CHD3: variants seen among roughly 807,000 people sequenced by gnomAD.
CHD3 encodes ATP-dependent chromatin remodeler CHD3.
Under a neutral mutation model 248.9 loss-of-function variants are expected in CHD3, and 52 were observed. The ratio of observed to expected loss-of-function variants is 0.21; its 90% CI spans 0.17 to 0.26. The LOEUF (loss-of-function observed/expected upper bound fraction) is 0.26. Ranked by LOEUF, CHD3 falls within the 10% of genes least tolerant of loss-of-function variation. CHD3 has a pLI of 1.00. For missense variants in CHD3, 1,482 were observed against 2,605.8 expected (o/e 0.57, Z 9.39); for synonymous variants, 985 against 985.2 (o/e 1.00, Z 0.00).
In CHD3 at chr17:7,904,847, G is replaced by A. The variant is rs1007822684; in HGVS notation, c.4072+228G>A. Among the ~76,000 whole-genome samples, 22 of 152,140 alleles carry A rather than the reference G, an allele frequency of 1.4e-4. No homozygotes were observed. The highest frequency in any genetic ancestry group is 1.5e-5 in the Non-Finnish European group (1 of 68,024). ...GCACAGGCATCCTGTGGACACCCAG[G>A]GCCATTGCTTAGAGTAGGTTTTGCA... On this transcript the variant is annotated intron_variant, in intron 25 of 39. Transcript: ENST00000330494. This position sits in a 1 kb window ranked among gnomAD's most constrained non-coding sequence, Gnocchi z 4.4.
intron 2 of CHD3, 140 bp from the exon 3 acceptor site, chr17:7,890,431 A>G (rs1968668033): frequency 1.2e-5 from 7 of 575,748 alleles, no homozygotes; most frequent in African/African-American, 3.9e-5. Context: ...TCCATCTCCA[A>G]AAAAAAAAAG....
chr17:7,899,674 C>A lies in CHD3; in HGVS notation c.2544+131C>A. ...CTCCACCTGTCCTCCTGTCTCTGCACTACCATCCTAGAGATATGGCAGGTA... is the reference window on the plus strand; with the variant it reads ...CTCCACCTGTCCTCCTGTCTCTGCAATACCATCCTAGAGATATGGCAGGTA... On this transcript the variant is annotated intron_variant, in intron 15 of 39. Transcript: ENST00000330494. This position sits in a 1 kb window ranked among gnomAD's most constrained non-coding sequence, Gnocchi z 6.8. The A allele has an allele frequency of 9.5e-7, 1 of 1,052,158 alleles. No homozygotes were observed. Among genetic ancestry groups the A allele is most frequent in the Non-Finnish European group, 1.4e-6 (1 of 711,962 alleles). The allele number at this position is 1,052,158 out of a possible 1,614,324, so 65.2% of individuals were successfully genotyped here.
chr17:7,905,568 T>G lies in CHD3; in HGVS notation c.4139-53T>G. 3 of 1,373,658 alleles carry G rather than the reference T, an allele frequency of 2.2e-6. No individual in the cohort carries two copies. Among genetic ancestry groups the G allele is most frequent in the Non-Finnish European group, 3.0e-6 (3 of 1,003,908 alleles). 85.1% of individuals were successfully genotyped at this position (1,373,658 alleles called of 1,614,324 possible). ...GTGGGAATGGGGTGCTAAGGAGGAC[T>G]GAGGCTTAGAGGAGGTGGTGGCTCA... On this transcript the variant is annotated intron_variant, in intron 26 of 39. Transcript: ENST00000330494. This position sits in a 1 kb window ranked among gnomAD's most constrained non-coding sequence, Gnocchi z 5.8.
In CHD3 at chr17:7,908,922, T is replaced by A. The variant is rs749619595; in HGVS notation, c.5394+93T>A. On this transcript the variant is annotated intron_variant, in intron 36 of 39. Coordinates refer to ENST00000330494, the MANE Select transcript of CHD3 (RefSeq NM_001005273.3). This position sits in a 1 kb window ranked among gnomAD's most constrained non-coding sequence, Gnocchi z 5.8. ...TGGAACCTAGGGAAGGTTAACACCT[T>A]CAGGGCTGAGGTGATACCTGGGGCC... 3.5e-4 allele frequency: 547 copies of A among 1,552,130 alleles called. 1 individual carries two copies. Among genetic ancestry groups the A allele is most frequent in the Non-Finnish European group, 4.4e-4 (493 of 1,132,510 alleles).
At position 7,907,036 on chromosome 17, in the gene CHD3, T is replaced by A; in HGVS notation, c.4666+5T>A. The A allele has an allele frequency of 6.2e-7, 1 of 1,614,024 alleles. No homozygotes were observed. Among genetic ancestry groups the A allele is most frequent in the Non-Finnish European group, 8.5e-7 (1 of 1,179,976 alleles). ...GTCCCTGCACCTCTAAACCTGGTAA[T>A]CAGAAGTCAGGATGGTGGGAGAGAC... is the stretch of plus-strand genomic sequence containing the variant. On this transcript the variant is annotated splice_donor_5th_base_variant and intron_variant, in intron 30 of 39. Transcript: ENST00000330494. This position sits in a 1 kb window ranked among gnomAD's most constrained non-coding sequence, Gnocchi z 4.3.
Position 7,903,847 on chromosome 17 carries a change from C to T in CHD3, c.3750C>T (p.Ser1250=). ...ENEGENKEED[S]SVIHYDNEAI... ...CAGGGGAGAACAAGGAGGAGGACAG[C>T]AGTGTGATTCATTATGACAATGAGG... Residue 1250 remains serine, a synonymous_variant, in exon 24 of 40, where the codon AGC becomes AGT. Transcript: ENST00000330494. This position sits in a 1 kb window ranked among gnomAD's most constrained non-coding sequence, Gnocchi z 6.8. 1 of 1,614,154 alleles carries T rather than the reference C, an allele frequency of 6.2e-7. No individual in the cohort carries two copies. The highest frequency in any genetic ancestry group is 8.5e-7 in the Non-Finnish European group (1 of 1,180,038).
intron 13 of CHD3, 22 bp from the exon 14 acceptor site, chr17:7,898,989 T>C: frequency 6.2e-7 from 1 of 1,610,500 alleles, no homozygotes; most frequent in Non-Finnish European, 8.5e-7. Context: ...TCCTTGAGCT[T>C]TCTGACTTCT....
Position 7,911,536 on chromosome 17 carries a change from T to A in CHD3, c.5954T>A (p.Leu1985Gln), listed in dbSNP as rs1233103221. ...GTGGGGGCATTGGTGTCAGACGGGC[T>A]GGATCGGAAGGAGCCCCGAGCCGGG... Reference protein sequence around the residue: ...EMVGALVSDGLDRKEPRAGEV... With the variant: ...EMVGALVSDGQDRKEPRAGEV... Residue 1985 changes from leucine to glutamine, a missense_variant, in exon 40 of 40, where the codon CTG becomes CAG. Leu to Gln is a moderately radical substitution (Grantham distance 113, BLOSUM62 -2). Around this residue, in one of 20 missense-constraint regions of CHD3, gnomAD observed 117 missense variants for 137.2 expected, o/e 0.85. Coordinates refer to ENST00000330494, the MANE Select transcript of CHD3 (RefSeq NM_001005273.3). This position sits in a 1 kb window ranked among gnomAD's most constrained non-coding sequence, Gnocchi z 5.4. 1 of 1,614,100 alleles carries A rather than the reference T, an allele frequency of 6.2e-7. No individual in the cohort carries two copies. The highest frequency in any genetic ancestry group is 8.5e-7 in the Non-Finnish European group (1 of 1,180,034).
chr17:7,907,441 G>T lies in CHD3; in HGVS notation c.4877G>T (p.Gly1626Val), dbSNP rs762116258. Reference protein sequence around the residue: ...PLEDEVPGVPGEMEPEPGYRG... With the variant: ...PLEDEVPGVPVEMEPEPGYRG... ...GAGGATGAGGTGCCAGGGGTGCCTG[G>T]AGAGATGGAGCCTGAACCTGGGTAC... The change falls in exon 32 of 40, where the codon GGA becomes GTA. Residue 1626 changes from glycine to valine, a missense_variant. Coordinates refer to ENST00000330494, the MANE Select transcript of CHD3 (RefSeq NM_001005273.3). This position sits in a 1 kb window ranked among gnomAD's most constrained non-coding sequence, Gnocchi z 4.3. 2 of 1,610,832 alleles carry T rather than the reference G, an allele frequency of 1.2e-6. No individual in the cohort carries two copies. Among genetic ancestry groups the T allele is most frequent in the Non-Finnish European group, 1.7e-6 (2 of 1,178,522 alleles).
Position 7,900,043 on chromosome 17 carries a change from G to A in CHD3, c.2682+10G>A, listed in dbSNP as rs768183117. On this transcript the variant is annotated intron_variant, in intron 16 of 39. Coordinates refer to ENST00000330494, the MANE Select transcript of CHD3 (RefSeq NM_001005273.3). The surrounding 1 kb of genome is among the most constrained non-coding windows in gnomAD (Gnocchi z 6.5). Reference sequence around the variant, plus strand: ...GAACAACCAGTCCAAGGTGAGTGAGGTTTCCAGACCTAAAAAACTTGAAGT... The same window carrying A: ...GAACAACCAGTCCAAGGTGAGTGAGATTTCCAGACCTAAAAAACTTGAAGT... 1 of 1,596,830 alleles carries A rather than the reference G, an allele frequency of 6.3e-7. No individual in the cohort carries two copies. Among genetic ancestry groups the A allele is most frequent in the Admixed American group, 1.7e-5 (1 of 58,102 alleles).
At chr17:7,885,955 A>AC (rs1461757572), upstream of CHD3, among the ~76,000 whole-genome samples, 6 of 151,736 alleles carry the variant, frequency 4.0e-5, no homozygotes, top group Non-Finnish European at 2.9e-5. Context: ...GGAACCAGAT[A>AC]CCCCCGGCTC....
intron 20 of CHD3, among the ~76,000 whole-genome samples, chr17:7,902,140 G>C (rs1277613819): frequency 2.0e-5 from 3 of 152,158 alleles, no homozygotes; most frequent in Admixed American, 6.5e-5. Flanking sequence ...TGACAAGAGG[G>C]CCAGACGTGG....
chr17:7,887,945 G>A (rs1968221741), upstream of CHD3, among the ~76,000 whole-genome samples: 1 of 152,230 alleles, frequency 6.6e-6, no homozygotes, highest in Non-Finnish European at 1.5e-5. Flanking sequence ...GGAACCTCCC[G>A]CTGGGGTGGG....
chr17:7,896,136 G>T (rs1969610218), intron 10 of CHD3, among the ~76,000 whole-genome samples: 1 of 149,818 alleles, frequency 6.7e-6, no homozygotes, highest in South Asian at 2.1e-4. Context: ...GCTGAGACAG[G>T]AGAATGGCGT....
In CHD3 at chr17:7,897,898, T is replaced by C. The variant is rs1969876475; in HGVS notation, c.1920-73T>C. 2 of 1,507,506 alleles carry C rather than the reference T, an allele frequency of 1.3e-6. No individual in the cohort carries two copies. Among genetic ancestry groups the C allele is most frequent in the Non-Finnish European group, 1.8e-6 (2 of 1,119,580 alleles). 93.4% of individuals were successfully genotyped at this position (1,507,506 alleles called of 1,614,324 possible). ...GTGTGTTTGCTGATAATTGCGTTTC[T>C]CAGGCCTTCTTTCTGTTTGTGATCT... On this transcript the variant is annotated intron_variant, in intron 11 of 39. Transcript: ENST00000330494. The surrounding 1 kb of genome is among the most constrained non-coding windows in gnomAD (Gnocchi z 4.8).
Position 7,910,275 on chromosome 17 carries a change from C to A in CHD3, c.5591-153C>A. 1 of 920,894 alleles carries A rather than the reference C, an allele frequency of 1.1e-6. No individual in the cohort carries two copies. The highest frequency in any genetic ancestry group is 1.7e-6 in the Non-Finnish European group (1 of 587,172). The allele number at this position is 920,894 out of a possible 1,614,324, so 57.0% of individuals were successfully genotyped here. A position where few individuals can be genotyped will look rare whatever the true frequency, so the allele number is the denominator to read the frequency against. On this transcript the variant is annotated intron_variant, in intron 37 of 39. Coordinates refer to ENST00000330494, the MANE Select transcript of CHD3 (RefSeq NM_001005273.3). The surrounding 1 kb of genome is among the most constrained non-coding windows in gnomAD (Gnocchi z 4.7). The stretch of plus-strand genomic sequence containing the variant: ...TTCTGTTTTCCATCTACTTCTTTTA[C>A]TTTCTTGATCTCTGGTTCTTTGACA...
At position 7,900,687 on chromosome 17, in the gene CHD3, C is replaced by T; in HGVS notation, c.2934C>T (p.Ala978=). 6.2e-7 allele frequency: 1 copy of T among 1,613,994 alleles called. No homozygotes were observed. Among genetic ancestry groups the T allele is most frequent in the Non-Finnish European group, 8.5e-7 (1 of 1,179,968 alleles). ...CAGATGTCTTTAAGAACATGCCAGC[C>T]AAGACAGAGCTCATCGTTCGGGTGG... ...LKADVFKNMP[A]KTELIVRVEL... is the part of the protein sequence containing the mutation. Residue 978 remains alanine (A), a synonymous_variant, in exon 18 of 40, where the codon GCC becomes GCT. Coordinates refer to ENST00000330494, the MANE Select transcript of CHD3 (RefSeq NM_001005273.3). This position sits in a 1 kb window ranked among gnomAD's most constrained non-coding sequence, Gnocchi z 6.5.
rs1485630022 is a variant in CHD3, at chr17:7,905,093, C to T, written c.4073-7C>T. Reference sequence around the variant, plus strand: ...CCCTGACCACTGGGCCCTTTCCACCCCCACAGACAACCAGTCAGAGTACTC... The same window carrying T: ...CCCTGACCACTGGGCCCTTTCCACCTCCACAGACAACCAGTCAGAGTACTC... On this transcript the variant is annotated splice_polypyrimidine_tract_variant and splice_region_variant and intron_variant, in intron 25 of 39. Transcript: ENST00000330494. The surrounding 1 kb of genome is among the most constrained non-coding windows in gnomAD (Gnocchi z 5.8). 6.2e-6 allele frequency: 10 copies of T among 1,614,032 alleles called. No homozygotes were observed. Among genetic ancestry groups the T allele is most frequent in the Non-Finnish European group, 8.5e-6 (10 of 1,179,910 alleles).
At chr17:7,901,736 C>A (rs1970345320) in intron 20 of CHD3, among the ~76,000 whole-genome samples, 1 of 151,982 alleles carries the variant, frequency 6.6e-6, no homozygotes, top group Non-Finnish European at 1.5e-5. Context: ...GTCTCCATCA[C>A]CTGACCTCAG....
Sources: allele counts gnomAD v4.1 joint callset (sites outside exome capture counted in the v4.1 genomes callset), GRCh38; gene constraint gnomAD v4.1.1; regional missense constraint gnomAD v4.1.1; non-coding constraint Gnocchi (gnomAD v3.1); transcripts MANE v1.5; gene names NCBI Gene and HGNC (gene_info 2026-07-23, HGNC 2026-07-21).